SMYD3: variants seen among roughly 807,000 people sequenced by gnomAD.
SMYD3 encodes the protein SET and MYND domain containing 3, also known as histone-lysine N-methyltransferase SMYD3.
Under a neutral mutation model 57.7 loss-of-function variants are expected in SMYD3, and 36 were observed. That is an observed-to-expected ratio of 0.62 (90% CI 0.48 to 0.82). SMYD3 has a LOEUF of 0.82. Among genes scored for constraint, SMYD3 ranks in the 40% least tolerant of loss-of-function variants. The pLI, the probability that SMYD3 is intolerant of heterozygous loss-of-function variation, is 0.00. For synonymous variants in SMYD3, 211 were observed against 195.0 expected, an observed-to-expected ratio of 1.08 and a Z score of -0.68; for missense variants, 515 against 538.8, an observed-to-expected ratio of 0.96 and a Z score of 0.44.
At chr1:246,007,357 G>A (rs918959650) in intron 5 of SMYD3, among the ~76,000 whole-genome samples, 1 of 152,110 alleles carries the variant, frequency 6.6e-6, no homozygotes, top group Non-Finnish European at 1.5e-5. Context: ...CTCGTGAAAG[G>A]GAGTCTGGAG....
chr1:246,152,399 CA>C (rs2061954500), intron 5 of SMYD3, among the ~76,000 whole-genome samples: 1 of 152,154 alleles, frequency 6.6e-6, no homozygotes, highest in African/African-American at 2.4e-5. Flanking sequence ...ATGGAAGTAC[CA>C]TGTTGTTGCT....
At chr1:246,120,881 C>G (rs947956420) in intron 5 of SMYD3, among the ~76,000 whole-genome samples, 1 of 152,148 alleles carries the variant, frequency 6.6e-6, no homozygotes, top group African/African-American at 2.4e-5. Context: ...AAGCTGGTAC[C>G]CCCACCTCTA....
chr1:246,246,398 G>T (rs1220427140), intron 5 of SMYD3, among the ~76,000 whole-genome samples: 1 of 152,120 alleles, frequency 6.6e-6, no homozygotes, highest in African/African-American at 2.4e-5. Context: ...CTACTGGAAA[G>T]TAAGTCTATT....
In SMYD3 at chr1:245,930,421, C is replaced by T. The variant is rs548318605; in HGVS notation, c.532-484G>A. The T allele has an allele frequency of 4.2e-5, 14 of 331,928 alleles. No homozygotes were observed. The East Asian group carries it at 8.9e-4, about 21-fold the overall frequency. 20.6% of individuals were successfully genotyped at this position (331,928 alleles called of 1,614,324 possible). ...CGAAGTATCCCGTGACTGAGCCTGTCGTCTGATGCGTGTTGGTGAAGACCA... is the reference window on the plus strand; with the variant it reads ...CGAAGTATCCCGTGACTGAGCCTGTTGTCTGATGCGTGTTGGTGAAGACCA... On this transcript the variant is annotated intron_variant, in intron 5 of 11. Coordinates refer to ENST00000490107, the MANE Select transcript of SMYD3 (RefSeq NM_001167740.2).
chr1:246,475,222 C>G (rs538920998), intron 1 of SMYD3, among the ~76,000 whole-genome samples: 3 of 151,506 alleles, frequency 2.0e-5, no homozygotes, highest in Non-Finnish European at 2.9e-5. Context: ...ATCCCAGCTA[C>G]TTGGGAGACT....
chr1:246,072,858 A>G (rs190057044), intron 5 of SMYD3, among the ~76,000 whole-genome samples: 34 of 152,330 alleles, frequency 2.2e-4, no homozygotes, highest in Non-Finnish European at 3.5e-4. Flanking sequence ...ACGCATTATC[A>G]CAATGCTGCT....
chr1:245,784,616 G>A (rs2046960705), intron 10 of SMYD3, among the ~76,000 whole-genome samples: 1 of 152,078 alleles, frequency 6.6e-6, no homozygotes, highest in Admixed American at 6.5e-5. Context: ...GTACTTAAGT[G>A]GCCTCTCCTT....
At chr1:245,809,150 C>G (rs2048330366) in intron 10 of SMYD3, among the ~76,000 whole-genome samples, 1 of 152,194 alleles carries the variant, frequency 6.6e-6, no homozygotes, top group South Asian at 2.1e-4. Flanking sequence ...TCCTGCTGCT[C>G]ACTACTATCA....
chr1:246,403,855 C>T (rs1184342201), intron 1 of SMYD3, among the ~76,000 whole-genome samples: 2 of 152,120 alleles, frequency 1.3e-5, no homozygotes, highest in Admixed American at 6.5e-5. Flanking sequence ...AATATATATC[C>T]GTGTTCAAGC....
intron 8 of SMYD3, among the ~76,000 whole-genome samples, chr1:245,873,928 C>G (rs1269951961): frequency 6.6e-6 from 1 of 152,152 alleles, no homozygotes; most frequent in African/African-American, 2.4e-5. Context: ...GCTCCGCTTG[C>G]CCAGGTGAGA....
chr1:246,026,943 G>A (rs1052020501), intron 5 of SMYD3, among the ~76,000 whole-genome samples: 1 of 152,170 alleles, frequency 6.6e-6, no homozygotes, highest in African/African-American at 2.4e-5. Context: ...ACTTGTAAAT[G>A]CAAAAGAAAC....
chr1:246,021,190 G>A (rs929043522), intron 5 of SMYD3, among the ~76,000 whole-genome samples: 8 of 152,086 alleles, frequency 5.3e-5, no homozygotes, highest in Admixed American at 3.9e-4. Context: ...TCTTCACCTC[G>A]GGTGAAGGTC....
intron 5 of SMYD3, among the ~76,000 whole-genome samples, chr1:246,042,803 C>T (rs896555456): frequency 3.9e-5 from 6 of 152,126 alleles, no homozygotes; most frequent in African/African-American, 1.4e-4. Flanking sequence ...TGTCTTCCCC[C>T]AACCCCAGAA....
intron 5 of SMYD3, among the ~76,000 whole-genome samples, chr1:246,217,772 C>A (rs2063187664): frequency 6.6e-6 from 1 of 152,080 alleles, no homozygotes. Flanking sequence ...AATTAAAGTG[C>A]TAATGTAAAA....
At chr1:245,775,063 T>A (rs111851888) in intron 10 of SMYD3, among the ~76,000 whole-genome samples, 99 of 152,022 alleles carry the variant, frequency 6.5e-4, no homozygotes, top group African/African-American at 2.1e-3. Context: ...AACCTCCACC[T>A]CCCAGCCGCC....
intron 5 of SMYD3, among the ~76,000 whole-genome samples, chr1:245,992,358 G>C (rs2058826066): frequency 6.6e-6 from 1 of 152,266 alleles, no homozygotes. Flanking sequence ...CAGTGTGGGA[G>C]GGGAGTGCCC....
At chr1:246,133,875 A>C (rs2061626006) in intron 5 of SMYD3, among the ~76,000 whole-genome samples, 1 of 152,166 alleles carries the variant, frequency 6.6e-6, no homozygotes, top group Admixed American at 6.5e-5. Context: ...CTATTTATAT[A>C]ATTAAAATTA....
At chr1:246,490,156 T>C (rs895867366) in intron 1 of SMYD3, among the ~76,000 whole-genome samples, 1 of 152,246 alleles carries the variant, frequency 6.6e-6, no homozygotes, top group Non-Finnish European at 1.5e-5. Context: ...TTTTCATAGA[T>C]GAATTAAATA....
At chr1:246,425,554 T>G (rs991274258) in intron 1 of SMYD3, among the ~76,000 whole-genome samples, 2 of 152,198 alleles carry the variant, frequency 1.3e-5, no homozygotes, top group African/African-American at 4.8e-5. Flanking sequence ...AAACCAGAGC[T>G]GGACAAGAGT....
Sources: gnomAD v4.1 joint callset for allele counts (sites outside exome capture counted in the v4.1 genomes callset) on GRCh38, gnomAD v4.1.1 for gene constraint, MANE v1.5 for transcripts, NCBI Gene and HGNC (gene_info 2026-07-23, HGNC 2026-07-21) for gene names.